The following CFDP1 variants were observed in gnomAD, a reference collection of about 807,000 sequenced individuals.
CFDP1 encodes chromatin remodeling protein CFDP1.
In CFDP1, 31 loss-of-function variants were observed where a neutral mutation model predicts 40.1. The observed-to-expected ratio is 0.77, with a 90% confidence interval of 0.58 to 1.04. The LOEUF (loss-of-function observed/expected upper bound fraction) is 1.04. Ranked by LOEUF, CFDP1 falls within the 50% of genes least tolerant of loss-of-function variation. CFDP1 has a pLI of 0.00. For synonymous variants in CFDP1, 167 were observed against 120.0 expected (o/e 1.39, Z -2.56); for missense variants, 423 against 343.4 (o/e 1.23, Z -1.83).
intron 5 of CFDP1, among the ~76,000 whole-genome samples, chr16:75,335,902 T>G (rs1366204303): frequency 6.6e-6 from 1 of 152,150 alleles, no homozygotes; most frequent in Non-Finnish European, 1.5e-5. Flanking sequence ...AATAAAGCTC[T>G]GCAAGCAAGA....
chr16:75,351,911 G>C (rs1318461878), intron 5 of CFDP1, among the ~76,000 whole-genome samples: 4 of 147,364 alleles, frequency 2.7e-5, no homozygotes, highest in Non-Finnish European at 5.9e-5. Flanking sequence ...AGGAAGCTGA[G>C]GCAAGAGAAT....
intron 5 of CFDP1, among the ~76,000 whole-genome samples, chr16:75,329,749 A>T (rs1248857005): frequency 6.6e-6 from 1 of 152,248 alleles, no homozygotes; most frequent in East Asian, 1.9e-4. Context: ...AGAGAGTTGT[A>T]TTTGATAGCA....
chr16:75,332,813 CT>C (rs1222124619), intron 5 of CFDP1, among the ~76,000 whole-genome samples: 1,933 of 116,448 alleles, frequency 0.017, 19 homozygotes, highest in African/African-American at 0.055. Context: ...TTTTTTTTTC[CT>C]TTTTTTTTTT....
chr16:75,350,347 C>T (rs1044306240), intron 5 of CFDP1, among the ~76,000 whole-genome samples: 5 of 152,168 alleles, frequency 3.3e-5, no homozygotes, highest in African/African-American at 1.2e-4. Flanking sequence ...CTATATCCAA[C>T]CAGCAAGGTA....
intron 5 of CFDP1, among the ~76,000 whole-genome samples, chr16:75,336,063 A>G (rs769883656): frequency 2.6e-4 from 39 of 152,326 alleles, no homozygotes; most frequent in East Asian, 1.7e-3. Flanking sequence ...ATAAGTGGGG[A>G]AAAAAATTGC....
chr16:75,389,856 G>C (rs2078932925), intron 5 of CFDP1, among the ~76,000 whole-genome samples: 1 of 152,068 alleles, frequency 6.6e-6, no homozygotes, highest in Non-Finnish European at 1.5e-5. Flanking sequence ...ATTCCTCTTG[G>C]ACCCGTCTTT....
At chr16:75,391,614 G>C (rs1474981055) in intron 5 of CFDP1, 1 of 152,092 alleles carries the variant, frequency 6.6e-6, no homozygotes, top group Non-Finnish European at 1.5e-5. Context: ...ATTTTTATAG[G>C]TGTACAAGGG....
intron 5 of CFDP1, among the ~76,000 whole-genome samples, chr16:75,360,346 T>C (rs989714944): frequency 6.6e-6 from 1 of 152,164 alleles, no homozygotes; most frequent in African/African-American, 2.4e-5. Flanking sequence ...CTGCCAGAGT[T>C]AGTGTCAAAA....
intron 5 of CFDP1, among the ~76,000 whole-genome samples, chr16:75,361,070 C>T (rs1025407663): frequency 2.6e-5 from 4 of 152,156 alleles, no homozygotes; most frequent in East Asian, 1.9e-4. Context: ...AGTGTAGTGG[C>T]GTGATCTTGG....
chr16:75,417,535 C>T lies in CFDP1; in HGVS notation c.65-2840G>A, dbSNP rs1424914942. Among the ~76,000 whole-genome samples the T allele has an allele frequency of 2.0e-5, 3 of 152,142 alleles. No individual in the cohort carries two copies. In the East Asian group the frequency reaches 5.8e-4, roughly 29 times the overall value. On this transcript the variant is annotated intron_variant, in intron 1 of 6. Transcript: ENST00000283882. ...GGAAAAAGGAAGAATTAAGAATATGCTTATATTTGTTTGTATATGGAAAAA... is the reference window on the plus strand; with the variant it reads ...GGAAAAAGGAAGAATTAAGAATATGTTTATATTTGTTTGTATATGGAAAAA...
At chr16:75,404,585 G>T (rs1036850120) in intron 4 of CFDP1, among the ~76,000 whole-genome samples, 6 of 152,018 alleles carry the variant, frequency 3.9e-5, no homozygotes, top group African/African-American at 1.2e-4. Context: ...GTCTCTTGAT[G>T]GATGAGAAGC....
chr16:75,293,861 G>C lies in CFDP1; in HGVS notation c.*91C>G. 1 of 1,026,658 alleles carries C rather than the reference G, an allele frequency of 9.7e-7. No homozygotes were observed. The highest frequency in any genetic ancestry group is 1.4e-5 in the South Asian group (1 of 69,556). The allele number at this position is 1,026,658 out of a possible 1,614,324, so 63.6% of individuals were successfully genotyped here. A position where few individuals can be genotyped will look rare whatever the true frequency, so the allele number is the denominator to read the frequency against. On this transcript the variant is annotated 3_prime_UTR_variant, in exon 7 of 7. Coordinates refer to ENST00000283882, the MANE Select transcript of CFDP1 (RefSeq NM_006324.3). ...AAAAAAAAGACCTTGCTGGGAAACA[G>C]ATGATGAGAAACACTGTAAAACATT...
intron 1 of CFDP1, among the ~76,000 whole-genome samples, chr16:75,427,134 T>A (rs1352118100): frequency 6.6e-6 from 1 of 151,616 alleles, no homozygotes; most frequent in East Asian, 1.9e-4. Context: ...CCCAATGTTT[T>A]AAATGGACAA....
intron 5 of CFDP1, among the ~76,000 whole-genome samples, chr16:75,345,318 A>G (rs376904662): frequency 2.0e-5 from 3 of 152,280 alleles, no homozygotes; most frequent in African/African-American, 7.2e-5. Context: ...TTAGCTGGGC[A>G]TGGTGGTACA....
intron 5 of CFDP1, among the ~76,000 whole-genome samples, chr16:75,315,127 A>C (rs907355200): frequency 6.6e-6 from 1 of 152,122 alleles, no homozygotes; most frequent in African/African-American, 2.4e-5. Flanking sequence ...TCATTTGGCC[A>C]ACCTAAAGAA....
At chr16:75,297,109 G>A (rs1207657409) in intron 6 of CFDP1, among the ~76,000 whole-genome samples, 1 of 151,416 alleles carries the variant, frequency 6.6e-6, no homozygotes, top group East Asian at 1.9e-4. Context: ...ATAGCTATGG[G>A]AGTTGTCATG....
rs570629226 is a variant in CFDP1 at position 75,362,034 on chromosome 16, G to T, written c.650+33056C>A. ...AATGAAGGAACTCAGAAAAACCCAAGAATTCAATGAAGTTATTCATTCGGA... is the reference window on the plus strand; with the variant it reads ...AATGAAGGAACTCAGAAAAACCCAATAATTCAATGAAGTTATTCATTCGGA... On this transcript the variant is annotated intron_variant, in intron 5 of 6. Transcript: ENST00000283882. 2.0e-5 allele frequency among the ~76,000 whole-genome samples: 3 copies of T among 152,256 alleles called. No individual in the cohort carries two copies. In the East Asian group the frequency reaches 5.8e-4, roughly 29 times the overall value.
chr16:75,413,114 G>C (rs1354020148), intron 2 of CFDP1, among the ~76,000 whole-genome samples: 1 of 152,110 alleles, frequency 6.6e-6, no homozygotes, highest in East Asian at 1.9e-4. Flanking sequence ...ATATGTGCCA[G>C]ACATTGTTGA....
chr16:75,404,547 TG>T (rs1430960883), intron 4 of CFDP1, among the ~76,000 whole-genome samples: 6 of 152,114 alleles, frequency 3.9e-5, no homozygotes, highest in Non-Finnish European at 2.9e-5. Context: ...AAGATACTGG[TG>T]GCCTAACTTA....
Sources: allele counts gnomAD v4.1 joint callset (sites outside exome capture counted in the v4.1 genomes callset), GRCh38; gene constraint gnomAD v4.1.1; transcripts MANE v1.5; gene names NCBI Gene and HGNC (gene_info 2026-07-23, HGNC 2026-07-21).